ADGRB3: variants seen among roughly 807,000 people sequenced by gnomAD.
The protein encoded by ADGRB3 is adhesion G protein-coupled receptor B3, also known as brain-specific angiogenesis inhibitor 3.
A neutral mutation model predicts 193.4 loss-of-function variants in ADGRB3; 37 were observed. That is an observed-to-expected ratio of 0.19 (90% CI 0.15 to 0.25). The LOEUF (loss-of-function observed/expected upper bound fraction) is 0.25. ADGRB3 is among the 10% of genes least tolerant of loss of function. The pLI, the probability that ADGRB3 is intolerant of heterozygous loss-of-function variation, is 1.00. For synonymous variants in ADGRB3, 690 were observed against 644.2 expected (o/e 1.07, Z -1.08); for missense variants, 1,637 against 1,852.9 (o/e 0.88, Z 2.14).
chr6:68,752,372 G>A (rs1170518728), intron 3 of ADGRB3, among the ~76,000 whole-genome samples: 2 of 151,592 alleles, frequency 1.3e-5, no homozygotes, highest in African/African-American at 2.4e-5. Context: ...CACCTCCCGG[G>A]TTCCAGCGAT....
intron 15 of ADGRB3, among the ~76,000 whole-genome samples, chr6:69,055,806 TG>T (rs1204840421): frequency 2.5e-4 from 37 of 146,258 alleles, no homozygotes; most frequent in African/African-American, 9.0e-4. Context: ...TTTTTGTTTT[TG>T]TTTTTTTTTG....
intron 3 of ADGRB3, among the ~76,000 whole-genome samples, chr6:68,758,200 A>C (rs150012368): frequency 5.3e-4 from 80 of 152,226 alleles, no homozygotes; most frequent in African/African-American, 1.7e-3. Flanking sequence ...ATTAATGTTT[A>C]ACACATTTTT....
chr6:68,674,377 A>C (rs192390356), intron 3 of ADGRB3, among the ~76,000 whole-genome samples: 1 of 152,300 alleles, frequency 6.6e-6, no homozygotes, highest in East Asian at 1.9e-4. Flanking sequence ...AATAGTGATA[A>C]AAATATTATA....
chr6:68,940,827 G>T (rs1356588403), intron 5 of ADGRB3, among the ~76,000 whole-genome samples: 1 of 152,084 alleles, frequency 6.6e-6, no homozygotes, highest in African/African-American at 2.4e-5. Flanking sequence ...GAGAGGCAGA[G>T]ATTGCAGTGA....
chr6:69,180,386 A>G (rs1775547729), intron 17 of ADGRB3, among the ~76,000 whole-genome samples: 1 of 152,218 alleles, frequency 6.6e-6, no homozygotes, highest in Non-Finnish European at 1.5e-5. Flanking sequence ...TAGGCTGCTG[A>G]TGCAGGTGAA....
intron 3 of ADGRB3, among the ~76,000 whole-genome samples, chr6:68,648,503 C>T (rs1205914343): frequency 1.4e-5 from 2 of 141,592 alleles, no homozygotes; most frequent in African/African-American, 5.4e-5. Context: ...CAAATATGGG[C>T]ATGAGAAAGA....
intron 17 of ADGRB3, among the ~76,000 whole-genome samples, chr6:69,181,043 C>T (rs564298509): frequency 3.9e-5 from 6 of 152,226 alleles, no homozygotes; most frequent in South Asian, 4.2e-4. Context: ...TTGCTCAGAT[C>T]CCCAGGAGAA....
At chr6:68,672,274 T>A (rs1768982398) in intron 3 of ADGRB3, among the ~76,000 whole-genome samples, 1 of 151,972 alleles carries the variant, frequency 6.6e-6, no homozygotes, top group Non-Finnish European at 1.5e-5. Flanking sequence ...TCTGATCTGA[T>A]CTTTATTATT....
At chr6:69,193,436 G>A (rs2150355568) in intron 17 of ADGRB3, among the ~76,000 whole-genome samples, 1 of 152,232 alleles carries the variant, frequency 6.6e-6, no homozygotes, top group African/African-American at 2.4e-5. Flanking sequence ...AGTGGGTGTG[G>A]ATGTGCTTCG....
At chr6:69,011,381 A>C (rs937754560) in intron 11 of ADGRB3, among the ~76,000 whole-genome samples, 3 of 152,114 alleles carry the variant, frequency 2.0e-5, no homozygotes, top group Non-Finnish European at 2.9e-5. Context: ...AGGAACAGAA[A>C]ACCAAATACT....
intron 4 of ADGRB3, among the ~76,000 whole-genome samples, chr6:68,935,143 C>T (rs765260311): frequency 4.6e-5 from 7 of 152,194 alleles, no homozygotes; most frequent in South Asian, 2.1e-4. Flanking sequence ...AGTGTTTGTC[C>T]GCAAACTGGC....
At chr6:69,385,605 A>G (rs1052232899) in intron 31 of ADGRB3, among the ~76,000 whole-genome samples, 1 of 152,126 alleles carries the variant, frequency 6.6e-6, no homozygotes, top group East Asian at 1.9e-4. Flanking sequence ...ACAAATATGC[A>G]TCTGTTTAAC....
intron 17 of ADGRB3, among the ~76,000 whole-genome samples, chr6:69,082,059 C>T (rs1241848185): frequency 1.3e-5 from 2 of 152,066 alleles, no homozygotes; most frequent in African/African-American, 4.8e-5. Flanking sequence ...TTATCAGACA[C>T]AGTCATTCTT....
chr6:69,200,457 C>T (rs1765395758), intron 17 of ADGRB3, among the ~76,000 whole-genome samples: 1 of 152,048 alleles, frequency 6.6e-6, no homozygotes. Flanking sequence ...AGATCTGTGT[C>T]TTAGAAAGGA....
chr6:69,374,357 C>T (rs1011176622), intron 30 of ADGRB3, among the ~76,000 whole-genome samples: 2 of 151,800 alleles, frequency 1.3e-5, no homozygotes, highest in African/African-American at 4.8e-5. Context: ...CCAAGTTGTC[C>T]CCCTCTTAAT....
chr6:68,674,960 G>A (rs1769053711), intron 3 of ADGRB3, among the ~76,000 whole-genome samples: 1 of 152,074 alleles, frequency 6.6e-6, no homozygotes, highest in South Asian at 2.1e-4. Context: ...TAAAATATAA[G>A]ATAGGGAAGT....
intron 13 of ADGRB3, among the ~76,000 whole-genome samples, chr6:69,028,129 C>T (rs1364701883): frequency 5.3e-5 from 8 of 152,250 alleles, no homozygotes; most frequent in Admixed American, 2.6e-4. Flanking sequence ...TGGGCAAAAG[C>T]CAGAATGAAA....
chr6:69,061,972 CA>C (rs1461778673), intron 15 of ADGRB3, among the ~76,000 whole-genome samples: 1 of 150,792 alleles, frequency 6.6e-6, no homozygotes, highest in Non-Finnish European at 1.5e-5. Context: ...AATACTACCT[CA>C]AAAAACAAAA....
At chr6:69,018,981 T>C (rs569028137) in intron 13 of ADGRB3, among the ~76,000 whole-genome samples, 2 of 152,106 alleles carry the variant, frequency 1.3e-5, no homozygotes, top group South Asian at 4.2e-4. Context: ...TGAGAATAAC[T>C]TCCAGGGTTA....
Sources: allele counts gnomAD v4.1 joint callset (sites outside exome capture counted in the v4.1 genomes callset), GRCh38; gene constraint gnomAD v4.1.1; transcripts MANE v1.5; gene names NCBI Gene and HGNC (gene_info 2026-07-23, HGNC 2026-07-21).